Variants in INTS14 observed in about 807,000 individuals in gnomAD.
INTS14 encodes the protein integrator complex subunit 14, also known as UPF0464 protein C15orf44.
In INTS14, 27 loss-of-function variants were observed where a neutral mutation model predicts 56.9. The observed-to-expected ratio is 0.47, with a 90% CI of 0.35 to 0.65. INTS14 has a LOEUF of 0.65. Ranked by LOEUF, INTS14 falls within the 30% of genes least tolerant of loss-of-function variation. The pLI, the probability that INTS14 is intolerant of heterozygous loss-of-function variation, is 0.00. For synonymous variants in INTS14, 207 were observed against 236.2 expected (o/e 0.88, Z 1.13); for missense variants, 517 against 632.2 (o/e 0.82, Z 1.95).
At chr15:65,599,070 T>C in intron 4 of INTS14, 80 bp from the exon 5 acceptor site, 1 of 937,626 alleles carries the variant, frequency 1.1e-6, no homozygotes, top group Non-Finnish European at 1.6e-6. Flanking sequence ...GTCAAAGCCA[T>C]TACGATAACA....
chr15:65,588,904 T>C (rs2072926696), intron 9 of INTS14, among the ~76,000 whole-genome samples: 1 of 152,194 alleles, frequency 6.6e-6, no homozygotes, highest in Non-Finnish European at 1.5e-5. Context: ...ATGCTCATTA[T>C]GTCCAGCACA....
intron 3 of INTS14, among the ~76,000 whole-genome samples, chr15:65,603,489 T>A (rs2073519288): frequency 6.6e-6 from 1 of 152,178 alleles, no homozygotes; most frequent in Admixed American, 6.5e-5. Flanking sequence ...CAATCTTATT[T>A]TTTTTAAGAC....
intron 5 of INTS14, 45 bp downstream of exon 5, chr15:65,598,827 T>A (rs576782989): frequency 7.1e-7 from 1 of 1,403,028 alleles, no homozygotes; most frequent in East Asian, 2.3e-5. Flanking sequence ...CAAATTATAA[T>A]ACTGGATTGT....
At chr15:65,606,832 G>A (rs2073671654) in intron 2 of INTS14, among the ~76,000 whole-genome samples, 1 of 152,010 alleles carries the variant, frequency 6.6e-6, no homozygotes, top group Non-Finnish European at 1.5e-5. Context: ...TGGGAGAGTA[G>A]AAAAAAATTA....
Position 65,611,091 on chromosome 15 carries a change from C to G in INTS14, c.-63+7G>C, listed in dbSNP as rs956645154. 5 of 1,535,730 alleles carry G rather than the reference C, an allele frequency of 3.3e-6. No individual in the cohort carries two copies. The highest frequency in any genetic ancestry group is 4.4e-6 in the Non-Finnish European group (5 of 1,146,624). Reference sequence around the variant, plus strand: ...GGCAGTCCCGGGCCCTCGGCCTCCCCACTCACCCCGTGCCCATCGCCGGAC... The same window carrying G: ...GGCAGTCCCGGGCCCTCGGCCTCCCGACTCACCCCGTGCCCATCGCCGGAC... On this transcript the variant is annotated splice_region_variant and intron_variant, in intron 1 of 11. Transcript: ENST00000313182.
rs1215085360 is a variant in INTS14 at position 65,599,861 on chromosome 15, T to C, written c.399A>G (p.Gln133=). ...ACCTGTTGCTCTCACTTCGTTGATT[T>C]TGAGTGGCTAGGGAATGTCGCAGTG... The part of the protein sequence containing the change: ...RGSLRHSLAT[Q]NQRSESNRFP... The change falls in exon 4 of 12, where the codon CAA becomes CAG. Residue 133 remains glutamine (Q), a synonymous_variant. Transcript: ENST00000313182. The C allele has an allele frequency of 3.1e-6, 5 of 1,614,194 alleles. No individual in the cohort carries two copies. The South Asian group carries it at 3.3e-5, about 11-fold the overall frequency.
At chr15:65,587,316 A>G (rs1159313625) in intron 9 of INTS14, among the ~76,000 whole-genome samples, 1 of 152,132 alleles carries the variant, frequency 6.6e-6, no homozygotes, top group Non-Finnish European at 1.5e-5. Flanking sequence ...TAACCATACC[A>G]TTTATGAAGC....
chr15:65,607,711 C>T (rs1434646820), intron 1 of INTS14, among the ~76,000 whole-genome samples: 3 of 152,150 alleles, frequency 2.0e-5, no homozygotes, highest in Non-Finnish European at 4.4e-5. Flanking sequence ...TCAGGTAGCC[C>T]TTAACTTTCA....
rs2073101014 is a variant in INTS14 at position 65,593,427 on chromosome 15, C to T, written c.986+1G>A. On this transcript the variant is annotated splice_donor_variant, in intron 8 of 11. Coordinates refer to ENST00000313182, the MANE Select transcript of INTS14 (RefSeq NM_001394796.1). LOFTEE classifies it high-confidence loss of function. ...AACCAAATGTAAACAAAGTTTCCTA[C>T]CCTAATTGAACAATCGCTACCATTC... 1.2e-6 allele frequency: 2 copies of T among 1,608,956 alleles called. No individual in the cohort carries two copies. Among genetic ancestry groups the T allele is most frequent in the Non-Finnish European group, 1.7e-6 (2 of 1,177,988 alleles).
In INTS14 at chr15:65,579,040, T is replaced by TA. The variant is rs1489275706; in HGVS notation, c.*367dup. 1 of 183,534 alleles carries TA rather than the reference T, an allele frequency of 5.4e-6. No homozygotes were observed. Among genetic ancestry groups the TA allele is most frequent in the Non-Finnish European group, 1.1e-5 (1 of 87,894 alleles). The allele number at this position is 183,534 out of a possible 1,614,324, so 11.4% of individuals were successfully genotyped here. Reference sequence around the variant, plus strand: ...TGAAAATGCCCTTACAGTTGAGATATAAACGAGGGAAGAGGTGAAGCTTTC... The same window carrying TA: ...TGAAAATGCCCTTACAGTTGAGATATAAAACGAGGGAAGAGGTGAAGCTTTC... On this transcript the variant is annotated 3_prime_UTR_variant, in exon 12 of 12. Transcript: ENST00000313182.
intron 11 of INTS14, among the ~76,000 whole-genome samples, chr15:65,581,421 G>A (rs376467124): frequency 1.0e-5 from 1 of 97,684 alleles, no homozygotes; most frequent in South Asian, 2.7e-4. Context: ...GGTGGCACGT[G>A]CCTGTAGTAC....
intron 9 of INTS14, among the ~76,000 whole-genome samples, chr15:65,586,186 T>G (rs557469507): frequency 1.3e-3 from 203 of 152,330 alleles, no homozygotes; most frequent in African/African-American, 4.5e-3. Context: ...CTCAAGGAAC[T>G]TACAGAATAA....
Position 65,593,549 on chromosome 15 carries a change from T to G in INTS14, c.865A>C (p.Ile289Leu), listed in dbSNP as rs756478230. 3 of 1,613,704 alleles carry G rather than the reference T, an allele frequency of 1.9e-6. No homozygotes were observed. Among genetic ancestry groups the G allele is most frequent in the South Asian group, 1.1e-5 (1 of 90,926 alleles). ...TTTTCATCTTCATTGTCATCAGTGATGCCAGTACCCACCTCATCACCTTCT... is the reference window on the plus strand; with the variant it reads ...TTTTCATCTTCATTGTCATCAGTGAGGCCAGTACCCACCTCATCACCTTCT... ...NKEGDEVGTG[I>L]TDDNEDENSA... Residue 289 changes from isoleucine to leucine, a missense_variant, in exon 8 of 12, where the codon ATC (isoleucine) becomes CTC (leucine). Ile to Leu is a conservative substitution (Grantham distance 5). Transcript: ENST00000313182.
At chr15:65,584,567 T>C (rs1423399367) in intron 10 of INTS14, among the ~76,000 whole-genome samples, 2 of 152,220 alleles carry the variant, frequency 1.3e-5, no homozygotes, top group Non-Finnish European at 2.9e-5. Flanking sequence ...AGGATTCTTA[T>C]TGCTCTAAAT....
At chr15:65,597,455 A>T (rs1243425831) in intron 6 of INTS14, among the ~76,000 whole-genome samples, 1 of 152,218 alleles carries the variant, frequency 6.6e-6, no homozygotes, top group Non-Finnish European at 1.5e-5. Flanking sequence ...CACCAATAGG[A>T]AGCAAGTCTC....
intron 3 of INTS14, among the ~76,000 whole-genome samples, chr15:65,600,693 T>C (rs1470591267): frequency 2.0e-5 from 3 of 151,986 alleles, no homozygotes; most frequent in African/African-American, 7.2e-5. Context: ...GAGAAAATTT[T>C]GTGAGGTGCT....
chr15:65,593,321 A>G, intron 8 of INTS14, 107 bp downstream of exon 8: 1 of 1,372,216 alleles, frequency 7.3e-7, no homozygotes, highest in Non-Finnish European at 9.8e-7. Flanking sequence ...GGAAAAGGAA[A>G]AAGGTGACAA....
intron 1 of INTS14, among the ~76,000 whole-genome samples, chr15:65,610,135 A>C (rs1342984267): frequency 2.0e-5 from 3 of 151,908 alleles, no homozygotes; most frequent in Non-Finnish European, 2.9e-5. Flanking sequence ...TGAGGCGGGC[A>C]GATCACCCGA....
chr15:65,582,647 A>G (rs2141247848), intron 10 of INTS14, among the ~76,000 whole-genome samples: 1 of 152,320 alleles, frequency 6.6e-6, no homozygotes, highest in Non-Finnish European at 1.5e-5. Flanking sequence ...GGATTTGGCA[A>G]TGATCTCTTA....
Sources: allele counts gnomAD v4.1 joint callset (sites outside exome capture counted in the v4.1 genomes callset), GRCh38; gene constraint gnomAD v4.1.1; transcripts MANE v1.5; gene names NCBI Gene and HGNC (gene_info 2026-07-23, HGNC 2026-07-21).